Variants in FABP3 observed in about 807,000 individuals in gnomAD.
The protein encoded by FABP3 is fatty acid-binding protein, heart.
Under a neutral mutation model 13.4 loss-of-function variants are expected in FABP3, and 8 were observed. The ratio of observed to expected loss-of-function variants is 0.60; its 90% CI spans 0.35 to 1.07. The LOEUF is 1.07. FABP3 is among the 50% of genes least tolerant of loss of function. FABP3 has a pLI of 0.02. For synonymous variants in FABP3, 64 were observed against 60.0 expected (o/e 1.07, Z -0.31); for missense variants, 135 against 164.7 (o/e 0.82, Z 0.99).
chr1:31,372,300 C>T (rs1053312586), intron 1 of FABP3, among the ~76,000 whole-genome samples: 4 of 152,120 alleles, frequency 2.6e-5, no homozygotes, highest in South Asian at 2.1e-4. Flanking sequence ...CACCCTACCA[C>T]GAGGCTCACA....
downstream of FABP3, among the ~76,000 whole-genome samples, chr1:31,363,015 A>G (rs1639975794): frequency 6.6e-6 from 1 of 152,196 alleles, no homozygotes; most frequent in African/African-American, 2.4e-5. Context: ...TATGTGTAAC[A>G]TACACAGTTT....
chr1:31,361,954 G>A (rs1034274347), downstream of FABP3, among the ~76,000 whole-genome samples: 12 of 152,136 alleles, frequency 7.9e-5, no homozygotes, highest in African/African-American at 2.9e-4. Context: ...TGGGACTACA[G>A]GCCCGCGTAA....
Position 31,365,849 on chromosome 1 carries a change from G to T in FABP3, c.*37C>A, listed in dbSNP as rs957482855. On this transcript the variant is annotated 3_prime_UTR_variant, in exon 4 of 4. Transcript: ENST00000373713. Reference sequence around the variant, plus strand: ...TGTGGTGCTGAGTCGAGGGGTAGCCGATTGGCAGAGTAGTAGTCAGCAACA... The same window carrying T: ...TGTGGTGCTGAGTCGAGGGGTAGCCTATTGGCAGAGTAGTAGTCAGCAACA... 2 of 1,599,636 alleles carry T rather than the reference G, an allele frequency of 1.3e-6. No homozygotes were observed. Among genetic ancestry groups the T allele is most frequent in the Non-Finnish European group, 1.7e-6 (2 of 1,167,054 alleles).
At chr1:31,366,722 G>T (rs946036668) in intron 3 of FABP3, among the ~76,000 whole-genome samples, 1 of 152,206 alleles carries the variant, frequency 6.6e-6, no homozygotes, top group African/African-American at 2.4e-5. Flanking sequence ...AGCTTGAACA[G>T]ATCTGCCAGC....
At position 31,365,876 on chromosome 1, in the gene FABP3, T is replaced by C; in HGVS notation, c.*10A>G. On this transcript the variant is annotated 3_prime_UTR_variant, in exon 4 of 4. Coordinates refer to ENST00000373713, the MANE Select transcript of FABP3 (RefSeq NM_004102.5). ...TTGGCAGAGTAGTAGTCAGCAACAG[T>C]GCAGTCAGGTCATGCCTCTTTCTCA... The C allele has an allele frequency of 6.2e-7, 1 of 1,613,750 alleles. No individual in the cohort carries two copies. Among genetic ancestry groups the C allele is most frequent in the Non-Finnish European group, 8.5e-7 (1 of 1,179,762 alleles).
intron 2 of FABP3, among the ~76,000 whole-genome samples, chr1:31,368,767 A>G (rs1172640395): frequency 6.6e-6 from 1 of 152,240 alleles, no homozygotes. Flanking sequence ...AGACACTGCA[A>G]ACACATTCAT....
At chr1:31,361,142 A>G (rs1165710738), downstream of FABP3, among the ~76,000 whole-genome samples, 3 of 152,180 alleles carry the variant, frequency 2.0e-5, no homozygotes, top group Non-Finnish European at 4.4e-5. Context: ...TAGCTAAACT[A>G]TTGATTTGCC....
Position 31,365,761 on chromosome 1 carries a change from G to T in FABP3, c.*125C>A. The T allele has an allele frequency of 1.2e-6, 1 of 852,612 alleles. No individual in the cohort carries two copies. Among genetic ancestry groups the T allele is most frequent in the Non-Finnish European group, 1.9e-6 (1 of 517,840 alleles). The allele number at this position is 852,612 out of a possible 1,614,324, so 52.8% of individuals were successfully genotyped here. On this transcript the variant is annotated 3_prime_UTR_variant, in exon 4 of 4. Coordinates refer to ENST00000373713, the MANE Select transcript of FABP3 (RefSeq NM_004102.5). The stretch of plus-strand genomic sequence containing the variant: ...GGGAACTGGAACTGGATCCCGGTCA[G>T]TGGCACCTGACCCCAGAAGAATTCG...
At chr1:31,369,631 C>T in intron 1 of FABP3, 74 bp from the exon 2 acceptor site, 2 of 1,424,488 alleles carry the variant, frequency 1.4e-6, no homozygotes, top group South Asian at 2.5e-5. Flanking sequence ...CAATGAATAA[C>T]TCTCAGGCCT....
Position 31,365,917 on chromosome 1 carries a change from A to G in FABP3, c.371T>C (p.Val124Ala), listed in dbSNP as rs764017250. Reference sequence around the variant, plus strand: ...CTCTTTCTCATAAGTGCGAGTGCAAACTGCAGTGCCGTGGGTGAGTGTCTG... The same window carrying G: ...CTCTTTCTCATAAGTGCGAGTGCAAGCTGCAGTGCCGTGGGTGAGTGTCTG... ...LILTLTHGTA[V>A]CTRTYEKEA The change falls in exon 4 of 4, where the codon GTT becomes GCT. Residue 124 changes from valine to alanine, a missense_variant. Transcript: ENST00000373713. 1 of 1,613,942 alleles carries G rather than the reference A, an allele frequency of 6.2e-7. No individual in the cohort carries two copies. The highest frequency in any genetic ancestry group is 8.5e-7 in the Non-Finnish European group (1 of 1,179,976).
downstream of FABP3, among the ~76,000 whole-genome samples, chr1:31,360,482 G>A (rs897945755): frequency 8.5e-5 from 13 of 152,182 alleles, no homozygotes; most frequent in African/African-American, 2.4e-4. Context: ...CTACAACTTC[G>A]GATGTGATTG....
rs1421763358 is a variant in FABP3 at position 31,365,617 on chromosome 1, T to C, written c.*269A>G. ...TCTGACACACAGGATAAACCAAGAC[T>C]CCCAGAGTTATGTTACCAAAGGCAA... On this transcript the variant is annotated 3_prime_UTR_variant, in exon 4 of 4. Transcript: ENST00000373713. 2.4e-6 allele frequency: 1 copy of C among 421,190 alleles called. No individual in the cohort carries two copies. Among genetic ancestry groups the C allele is most frequent in the Non-Finnish European group, 4.4e-6 (1 of 227,792 alleles). The allele number at this position is 421,190 out of a possible 1,614,324, so 26.1% of individuals were successfully genotyped here. A position where few individuals can be genotyped will look rare whatever the true frequency, so the allele number is the denominator to read the frequency against.
Position 31,365,714 on chromosome 1 carries a change from A to C in FABP3, c.*172T>G. ...CCCTATGAGTGCAGTTAAAAAAAAA[A>C]AAAAAAAACCACATACACCATGGGA... On this transcript the variant is annotated 3_prime_UTR_variant, in exon 4 of 4. Coordinates refer to ENST00000373713, the MANE Select transcript of FABP3 (RefSeq NM_004102.5). The C allele has an allele frequency of 3.3e-6, 2 of 606,802 alleles. No individual in the cohort carries two copies. Among genetic ancestry groups the C allele is most frequent in the Non-Finnish European group, 2.9e-6 (1 of 349,080 alleles). 37.6% of individuals were successfully genotyped at this position (606,802 alleles called of 1,614,324 possible).
downstream of FABP3, chr1:31,364,252 G>A (rs1222119461): frequency 1.3e-6 from 2 of 1,556,192 alleles, no homozygotes; most frequent in East Asian, 2.3e-5. Context: ...TGTGCCTTGA[G>A]ACTCCTGGAA....
intron 1 of FABP3, 81 bp from the exon 2 acceptor site, chr1:31,369,638 G>C: frequency 7.4e-7 from 1 of 1,359,492 alleles, no homozygotes; most frequent in Non-Finnish European, 1.0e-6. Flanking sequence ...TAACTCTCAG[G>C]CCTGGGTATG....
intron 3 of FABP3, among the ~76,000 whole-genome samples, chr1:31,366,435 C>A (rs1640114743): frequency 6.6e-6 from 1 of 152,144 alleles, no homozygotes; most frequent in Non-Finnish European, 1.5e-5. Flanking sequence ...AGAGCCAGAC[C>A]CATGGCCTCA....
At chr1:31,372,208 T>C (rs1399678881) in intron 1 of FABP3, among the ~76,000 whole-genome samples, 3 of 152,152 alleles carry the variant, frequency 2.0e-5, no homozygotes, top group African/African-American at 7.2e-5. Context: ...AGAAGTCCAA[T>C]GGCTTTCTCT....
downstream of FABP3, chr1:31,364,272 A>G (rs1213514947): frequency 1.3e-6 from 2 of 1,510,666 alleles, no homozygotes; most frequent in African/African-American, 2.8e-5. Context: ...AAGACTCAAT[A>G]GTGAGAATAT....
downstream of FABP3, chr1:31,364,052 T>G (rs759359470): frequency 3.3e-5 from 54 of 1,611,964 alleles, no homozygotes; most frequent in Admixed American, 5.1e-5. Flanking sequence ...AAAAGAAACA[T>G]AGAGATAGGA....
Sources: gnomAD v4.1 joint callset for allele counts (sites outside exome capture counted in the v4.1 genomes callset) on GRCh38, gnomAD v4.1.1 for gene constraint, MANE v1.5 for transcripts, NCBI Gene and HGNC (gene_info 2026-07-23, HGNC 2026-07-21) for gene names.